The following RPL18 variants were observed in gnomAD, a reference collection of about 807,000 sequenced individuals.
RPL18 encodes the protein large ribosomal subunit protein eL18.
In RPL18, 4 loss-of-function variants were observed where a neutral mutation model predicts 25.0. That is an observed-to-expected ratio of 0.16 (90% CI 0.08 to 0.37). The LOEUF (loss-of-function observed/expected upper bound fraction) is 0.37, where lower values mean the gene tolerates loss of function less well. RPL18 is among the 10% of genes least tolerant of loss of function. The pLI is 1.00. For missense variants in RPL18, 179 were observed against 267.9 expected (o/e 0.67, Z 2.32); for synonymous variants, 129 against 101.6 (o/e 1.27, Z -1.62).
rs745908541 is a variant in RPL18, at chr19:48,619,156, T to C, written c.-13A>G. 45 of 1,175,046 alleles carry C rather than the reference T, an allele frequency of 3.8e-5. No individual in the cohort carries two copies. The highest frequency in any genetic ancestry group is 1.8e-4 in the African/African-American group (11 of 62,330). The allele number at this position is 1,175,046 out of a possible 1,614,324, so 72.8% of individuals were successfully genotyped here. A position where few individuals can be genotyped will look rare whatever the true frequency, so the allele number is the denominator to read the frequency against. On this transcript the variant is annotated 5_prime_UTR_variant, in exon 1 of 7. Coordinates refer to ENST00000549920, the MANE Select transcript of RPL18 (RefSeq NM_000979.4). ...GCGAGCTCACCATGATGGCGCCTCC[T>C]GCTCGGCCAGGTCCGGAAAGAGAGA... is the stretch of plus-strand genomic sequence containing the variant.
At position 48,616,070 on chromosome 19, in the gene RPL18, A is replaced by C; in HGVS notation, c.421+9T>G. The C allele has an allele frequency of 6.2e-7, 1 of 1,614,124 alleles. No individual in the cohort carries two copies. Among genetic ancestry groups the C allele is most frequent in the South Asian group, 1.1e-5 (1 of 91,060 alleles). On this transcript the variant is annotated intron_variant, in intron 5 of 6. Transcript: ENST00000549920. ...CTCAGTCCAAACCCGTCGACCACGT[A>C]TCACTCACCGGAGAGCAGGACAGTG...
intron 1 of RPL18, chr19:48,618,649 G>C (rs114238236): frequency 1.1e-5 from 2 of 188,038 alleles, no homozygotes; most frequent in African/African-American, 4.7e-5. Context: ...TGTACCCAAC[G>C]AACAGCCAGA....
chr19:48,617,455 G>T, intron 2 of RPL18, 32 bp from the exon 3 acceptor site: 1 of 1,509,050 alleles, frequency 6.6e-7, no homozygotes, highest in Non-Finnish European at 9.2e-7. Flanking sequence ...GAGAAGCTGG[G>T]ACAGCCTGCT....
At chr19:48,617,910 T>C (rs756723783) in intron 1 of RPL18, 33 bp from the exon 2 acceptor site, 21 of 1,507,396 alleles carry the variant, frequency 1.4e-5, no homozygotes, top group African/African-American at 2.7e-5. Flanking sequence ...ATGGACCCAA[T>C]TACCCCCAAC....
chr19:48,615,819 G>C, intron 6 of RPL18, 58 bp downstream of exon 6: 2 of 1,482,616 alleles, frequency 1.3e-6, no homozygotes, highest in Non-Finnish European at 1.8e-6. Flanking sequence ...AGTGTGGCCA[G>C]GCCTGGCCCT....
intron 4 of RPL18, chr19:48,616,440 G>A: frequency 1.5e-6 from 1 of 656,108 alleles, no homozygotes; most frequent in Non-Finnish European, 2.7e-6. Flanking sequence ...AAAGACCTGT[G>A]CAGAGGTGAC....
chr19:48,615,810 G>T, intron 6 of RPL18, 67 bp downstream of exon 6: 1 of 1,414,356 alleles, frequency 7.1e-7, no homozygotes, highest in Non-Finnish European at 9.8e-7. Context: ...AGCAGCCCAA[G>T]TGTGGCCAGG....
At chr19:48,617,739 G>T in intron 2 of RPL18, 52 bp downstream of exon 2, 3 of 1,414,818 alleles carry the variant, frequency 2.1e-6, no homozygotes, top group Non-Finnish European at 3.0e-6. Context: ...TGGAGGATCT[G>T]CAAGTCAGAC....
intron 3 of RPL18, 102 bp downstream of exon 3, chr19:48,617,214 G>C (rs1484677918): frequency 1.1e-6 from 1 of 918,142 alleles, no homozygotes; most frequent in Non-Finnish European, 1.8e-6. Context: ...ACAAACCCTT[G>C]ATGCCCTGGT....
rs200746885 is a variant in RPL18, at chr19:48,617,429, G to C, written c.91-6C>G. The C allele has an allele frequency of 7.7e-5, 123 of 1,607,440 alleles. No individual in the cohort carries two copies. Among genetic ancestry groups the C allele is most frequent in the Non-Finnish European group, 1.0e-4 (121 of 1,174,156 alleles). On this transcript the variant is annotated splice_region_variant and splice_polypyrimidine_tract_variant and intron_variant, in intron 2 of 6. Transcript: ENST00000549920. ...CTGGCCAGAAACCTGTATAACTGGAGGGACGGGAAGACAGTGAGAAGCTGG... is the reference window on the plus strand; with the variant it reads ...CTGGCCAGAAACCTGTATAACTGGACGGACGGGAAGACAGTGAGAAGCTGG...
chr19:48,616,629 A>G (rs1455689992), intron 4 of RPL18, 97 bp downstream of exon 4: 1 of 801,734 alleles, frequency 1.2e-6, no homozygotes, highest in Non-Finnish European at 2.0e-6. Flanking sequence ...AGCGGTGGCA[A>G]GACTGAGGAT....
At chr19:48,617,123 G>A in intron 3 of RPL18, 193 bp downstream of exon 3, 1 of 715,960 alleles carries the variant, frequency 1.4e-6, no homozygotes, top group South Asian at 1.4e-5. Flanking sequence ...AGAAGGAGAG[G>A]AGGACCAGGA....
At chr19:48,615,522 A>AG (rs1974141551) in intron 6 of RPL18, 75 bp from the exon 7 acceptor site, 2 of 1,107,050 alleles carry the variant, frequency 1.8e-6, no homozygotes, top group South Asian at 2.7e-5. Flanking sequence ...GAACACCACA[A>AG]GCCTGTCACA....
At chr19:48,616,574 A>C (rs760561288) in intron 4 of RPL18, 152 bp downstream of exon 4, 158 of 739,882 alleles carry the variant, frequency 2.1e-4, no homozygotes, top group Non-Finnish European at 3.6e-4. Flanking sequence ...GACGACCCAC[A>C]CCAATCCTCA....
chr19:48,617,886 G>T lies in RPL18; in HGVS notation c.4-9C>A. 3 of 1,609,484 alleles carry T rather than the reference G, an allele frequency of 1.9e-6. No individual in the cohort carries two copies. The highest frequency in any genetic ancestry group is 2.6e-6 in the Non-Finnish European group (3 of 1,175,828). The stretch of plus-strand genomic sequence containing the variant: ...TGGCGGATGTCCACTCCCTGTGGGG[G>T]TGAAGAGGCAACCATGGACCCAATT... On this transcript the variant is annotated splice_polypyrimidine_tract_variant and intron_variant, in intron 1 of 6. Transcript: ENST00000549920.
At chr19:48,615,468 G>A in intron 6 of RPL18, 21 bp from the exon 7 acceptor site, 4 of 1,596,594 alleles carry the variant, frequency 2.5e-6, no homozygotes, top group Non-Finnish European at 3.4e-6. Flanking sequence ...AGGAGGGAGT[G>A]AGAGGGGGGC....
chr19:48,618,163 CAAT>C lies in RPL18; in HGVS notation c.4-289_4-287del, dbSNP rs528982345. 1,094 of 281,840 alleles carry C rather than the reference CAAT, an allele frequency of 3.9e-3. 10 individuals are homozygous for C. The highest frequency in any genetic ancestry group is 0.011 in the Middle Eastern group (10 of 902). 17.5% of individuals were successfully genotyped at this position (281,840 alleles called of 1,614,324 possible). A position where few individuals can be genotyped will look rare whatever the true frequency, so the allele number is the denominator to read the frequency against. Reference sequence around the variant, plus strand: ...ATTCTTTACAACTTGTATTTTGCAACAATGTTATCAAAACTGGTTCCCATACCC... The same window carrying C: ...ATTCTTTACAACTTGTATTTTGCAACGTTATCAAAACTGGTTCCCATACCC... On this transcript the variant is annotated intron_variant, in intron 1 of 6. Transcript: ENST00000549920.
intron 6 of RPL18, 166 bp from the exon 7 acceptor site, chr19:48,615,613 C>T: frequency 1.5e-6 from 1 of 670,662 alleles, no homozygotes; most frequent in Non-Finnish European, 2.6e-6. Context: ...TATGGAAGCA[C>T]CTGCCCCACC....
At position 48,616,708 on chromosome 19, in the gene RPL18, C is replaced by T; in HGVS notation, c.297+18G>A. 1 of 1,552,732 alleles carries T rather than the reference C, an allele frequency of 6.4e-7. No homozygotes were observed. Among genetic ancestry groups the T allele is most frequent in the Middle Eastern group, 1.7e-4 (1 of 5,904 alleles). ...ACAGCAAGGGTCTGATGGGTCTGCC[C>T]AGCCCCCGCCAGCTCACCTTCAGTT... On this transcript the variant is annotated intron_variant, in intron 4 of 6. Transcript: ENST00000549920.
Sources: allele counts gnomAD v4.1 joint callset, GRCh38; gene constraint gnomAD v4.1.1; transcripts MANE v1.5; gene names NCBI Gene and HGNC (gene_info 2026-07-23, HGNC 2026-07-21).